The following GALC variants were observed in gnomAD, a reference collection of about 807,000 sequenced individuals.
GALC encodes the protein galactosylceramidase.
A neutral mutation model predicts 91.8 loss-of-function variants in GALC; 77 were observed. That is an observed-to-expected ratio of 0.84 (90% CI 0.70 to 1.01). The LOEUF (loss-of-function observed/expected upper bound fraction) is 1.01. Ranked by LOEUF, GALC falls within the 50% of genes least tolerant of loss-of-function variation. The pLI, the probability that GALC is intolerant of heterozygous loss-of-function variation, is 0.00. For synonymous variants in GALC, 357 were observed against 306.7 expected (o/e 1.16, Z -1.71); for missense variants, 882 against 855.9 (o/e 1.03, Z -0.38).
At chr14:87,957,116 G>GT (rs1011195805) in intron 10 of GALC, among the ~76,000 whole-genome samples, 26 of 151,692 alleles carry the variant, frequency 1.7e-4, no homozygotes, top group African/African-American at 6.3e-4. Flanking sequence ...TGGGATTTGT[G>GT]TTTTTCTTGC....
In GALC at chr14:87,972,764, G is replaced by T. The variant is rs1214407511; in HGVS notation, c.752+3594C>A. Among the ~76,000 whole-genome samples, 3 of 152,060 alleles carry T rather than the reference G, an allele frequency of 2.0e-5. No individual in the cohort carries two copies. The East Asian group carries it at 5.8e-4, about 29-fold the overall frequency. On this transcript the variant is annotated intron_variant, in intron 7 of 16. Coordinates refer to ENST00000261304, the MANE Select transcript of GALC (RefSeq NM_000153.4). ...AAATAATAGAAAACATAAATAAAGA[G>T]ATAGAGAAAAATTCAGAGAAATACA...
At chr14:87,963,292 A>G (rs768647202) in intron 10 of GALC, 92 bp downstream of exon 10, 2 of 1,355,880 alleles carry the variant, frequency 1.5e-6, no homozygotes, top group East Asian at 2.3e-5. Context: ...ATGCTTATGT[A>G]TTTACATGTA....
At chr14:87,985,246 G>A (rs1465016828) in intron 4 of GALC, among the ~76,000 whole-genome samples, 1 of 151,992 alleles carries the variant, frequency 6.6e-6, no homozygotes, top group Admixed American at 6.6e-5. Flanking sequence ...CAATAGTTAA[G>A]TTCCTCAGCA....
intron 6 of GALC, among the ~76,000 whole-genome samples, chr14:87,980,039 T>A (rs1886670290): frequency 6.6e-6 from 1 of 151,928 alleles, no homozygotes; most frequent in Non-Finnish European, 1.5e-5. Flanking sequence ...CTGCAATAGA[T>A]CTTCTCAATC....
chr14:87,987,140 T>C (rs1887010097), intron 3 of GALC: 2 of 432,240 alleles, frequency 4.6e-6, no homozygotes, highest in Non-Finnish European at 9.1e-6. Context: ...TATACTAACA[T>C]CTGCAGTTAG....
intron 7 of GALC, among the ~76,000 whole-genome samples, chr14:87,973,095 TAAC>T (rs1886361739): frequency 6.6e-6 from 1 of 152,106 alleles, no homozygotes; most frequent in African/African-American, 2.4e-5. Flanking sequence ...TTTATGTAAA[TAAC>T]TAATGGAGCA....
chr14:87,941,926 G>A (rs1370225487), intron 14 of GALC, among the ~76,000 whole-genome samples: 1 of 151,850 alleles, frequency 6.6e-6, no homozygotes, highest in Non-Finnish European at 1.5e-5. Flanking sequence ...ACACAATTCT[G>A]AGGGAAAATG....
At chr14:87,945,934 G>A (rs116207556) in intron 13 of GALC, among the ~76,000 whole-genome samples, 219 of 152,072 alleles carry the variant, frequency 1.4e-3, no homozygotes, top group African/African-American at 5.2e-3. Flanking sequence ...TGATGAGTTC[G>A]ACATATAGAT....
At chr14:87,985,222 T>C (rs1174872475) in intron 4 of GALC, among the ~76,000 whole-genome samples, 1 of 152,078 alleles carries the variant, frequency 6.6e-6, no homozygotes, top group African/African-American at 2.4e-5. Flanking sequence ...GCTACTAATA[T>C]ATTAAAATAG....
In GALC at chr14:87,949,946, C is replaced by CA. The variant is rs1555379699; in HGVS notation, c.1252-16dup. On this transcript the variant is annotated splice_polypyrimidine_tract_variant and intron_variant, in intron 11 of 16. Transcript: ENST00000261304. ...GGTATTTCACTCTGTAAAGAAAAGACAAAAAAGCATGGCTGAGTAATTCAT... is the reference window on the plus strand; with the variant it reads ...GGTATTTCACTCTGTAAAGAAAAGACAAAAAAAGCATGGCTGAGTAATTCAT... 2.2e-6 allele frequency: 3 copies of CA among 1,364,194 alleles called. No homozygotes were observed. Among genetic ancestry groups the CA allele is most frequent in the Non-Finnish European group, 3.1e-6 (3 of 954,202 alleles). The allele number at this position is 1,364,194 out of a possible 1,614,324, so 84.5% of individuals were successfully genotyped here. A position where few individuals can be genotyped will look rare whatever the true frequency, so the allele number is the denominator to read the frequency against.
chr14:87,973,104 G>A (rs539801972), intron 7 of GALC, among the ~76,000 whole-genome samples: 2 of 152,032 alleles, frequency 1.3e-5, no homozygotes, highest in Non-Finnish European at 2.9e-5. Context: ...ATAACTAATG[G>A]AGCAAATTTT....
At chr14:87,952,492 C>T in intron 10 of GALC, 1 of 609,546 alleles carries the variant, frequency 1.6e-6, no homozygotes. Flanking sequence ...CACAACCCTG[C>T]CTAATATCCT....
intron 10 of GALC, among the ~76,000 whole-genome samples, chr14:87,957,363 C>T (rs1366857168): frequency 6.6e-6 from 1 of 152,006 alleles, no homozygotes; most frequent in Non-Finnish European, 1.5e-5. Context: ...CCTAGATTTT[C>T]TTCTAGAATT....
chr14:87,980,564 C>G (rs993385767), intron 6 of GALC: 10 of 841,338 alleles, frequency 1.2e-5, no homozygotes, highest in Non-Finnish European at 1.4e-5. Flanking sequence ...TGGAGAGTTC[C>G]TATCCATCCG....
intron 3 of GALC, 41 bp downstream of exon 3, chr14:87,988,103 A>C: frequency 6.7e-7 from 1 of 1,497,704 alleles, no homozygotes; most frequent in Non-Finnish European, 9.3e-7. Flanking sequence ...GTATAGATTA[A>C]AATGTTGATG....
intron 10 of GALC, among the ~76,000 whole-genome samples, chr14:87,961,463 A>G (rs753835450): frequency 6.6e-6 from 1 of 152,218 alleles, no homozygotes; most frequent in South Asian, 2.1e-4. Flanking sequence ...TCCTACATAC[A>G]TACCCAAGAG....
At chr14:87,954,084 A>C in intron 10 of GALC, 1 of 1,609,802 alleles carries the variant, frequency 6.2e-7, no homozygotes, top group South Asian at 1.1e-5. Context: ...TCAGTTATTA[A>C]ATCTTGGGAG....
intron 13 of GALC, 70 bp downstream of exon 13, chr14:87,947,658 T>C: frequency 6.9e-7 from 1 of 1,455,838 alleles, no homozygotes; most frequent in Non-Finnish European, 9.6e-7. Flanking sequence ...GCACCCAGTT[T>C]GACAGGTAGA....
At chr14:87,936,013 T>C (rs1884552709) in intron 16 of GALC, among the ~76,000 whole-genome samples, 1 of 151,942 alleles carries the variant, frequency 6.6e-6, no homozygotes, top group Non-Finnish European at 1.5e-5. Context: ...GCCAAGGGAC[T>C]CAAATCACAG....
Sources: gnomAD v4.1 joint callset for allele counts (sites outside exome capture counted in the v4.1 genomes callset) on GRCh38, gnomAD v4.1.1 for gene constraint, MANE v1.5 for transcripts, NCBI Gene and HGNC (gene_info 2026-07-23, HGNC 2026-07-21) for gene names.